The following FRMPD4 variants were observed in gnomAD, a reference collection of about 807,000 sequenced individuals.
The protein encoded by FRMPD4 is FERM and PDZ domain-containing protein 4.
A neutral mutation model predicts 94.1 loss-of-function variants in FRMPD4; 22 were observed. The ratio of observed to expected loss-of-function variants is 0.23; its 90% CI spans 0.17 to 0.33. The LOEUF is 0.33. Among genes scored for constraint, FRMPD4 ranks in the 10% least tolerant of loss-of-function variants. FRMPD4 has a pLI of 1.00. For synonymous variants in FRMPD4, 631 were observed against 548.6 expected (o/e 1.15, Z -2.10); for missense variants, 1,111 against 1,339.9 (o/e 0.83, Z 2.67).
intron 3 of FRMPD4, among the ~76,000 whole-genome samples, chrX:12,027,372 A>G (rs753564421): frequency 1.8e-5 from 2 of 112,097 alleles, no homozygotes; most frequent in Non-Finnish European, 3.8e-5. Context: ...CAAATCTTGA[A>G]TTGTGAGAAA....
At chrX:12,464,939 C>T (rs2057433149) in intron 1 of FRMPD4, among the ~76,000 whole-genome samples, 1 of 111,737 alleles carries the variant, frequency 8.9e-6, no homozygotes, top group Admixed American at 9.5e-5. Flanking sequence ...TCTATTTTTC[C>T]ATTCCAATTT....
chrX:11,966,807 G>C lies in FRMPD4; in HGVS notation c.95+88789G>C, dbSNP rs190090694. Among the ~76,000 whole-genome samples, 691 of 111,783 alleles carry C rather than the reference G, an allele frequency of 6.2e-3. 14 individuals carry two copies. The highest frequency in any genetic ancestry group is 0.06 in the Admixed American group (629 of 10,507). ...GCTTTGATCTAAAATCCTCTTGAATGCTTCTTCCCTTAAATCTCCAGTTTC... is the reference window on the plus strand; with the variant it reads ...GCTTTGATCTAAAATCCTCTTGAATCCTTCTTCCCTTAAATCTCCAGTTTC... On this transcript the variant is annotated intron_variant, in intron 3 of 18. Transcript: ENST00000640291.
Position 12,423,195 on chromosome X carries a change from C to T in FRMPD4, c.42-75485C>T, listed in dbSNP as rs900671647. On this transcript the variant is annotated intron_variant, in intron 1 of 16. Transcript: ENST00000675598. Reference sequence around the variant, plus strand: ...GTTGCAGTGAGCCGAACCAAGATCGCGCCACTACACGCCAGCCTGGGTGAG... The same window carrying T: ...GTTGCAGTGAGCCGAACCAAGATCGTGCCACTACACGCCAGCCTGGGTGAG... Among the ~76,000 whole-genome samples, 4 of 109,886 alleles carry T rather than the reference C, an allele frequency of 3.6e-5. No individual in the cohort carries two copies. The East Asian group carries it at 8.5e-4, about 23-fold the overall frequency.
intron 3 of FRMPD4, among the ~76,000 whole-genome samples, chrX:12,122,789 A>T (rs995345240): frequency 1.8e-4 from 20 of 111,808 alleles, no homozygotes; most frequent in African/African-American, 6.2e-4. Flanking sequence ...CCTACAGTTA[A>T]GTATCAAAAA....
At chrX:12,044,879 G>A (rs1361534705) in intron 3 of FRMPD4, among the ~76,000 whole-genome samples, 2 of 111,619 alleles carry the variant, frequency 1.8e-5, no homozygotes, top group Non-Finnish European at 3.8e-5. Flanking sequence ...TTTTTAATTA[G>A]CGATTATTAA....
chrX:11,950,454 C>T (rs1381806477), intron 3 of FRMPD4, among the ~76,000 whole-genome samples: 1 of 111,372 alleles, frequency 9.0e-6, no homozygotes, highest in Non-Finnish European at 1.9e-5. Context: ...AGAAAATTTC[C>T]AGTATACAAC....
chrX:12,401,417 C>T (rs1176518031), intron 1 of FRMPD4, among the ~76,000 whole-genome samples: 1 of 110,458 alleles, frequency 9.1e-6, no homozygotes, highest in Non-Finnish European at 1.9e-5. Context: ...ATTTTGGCAG[C>T]TCTTGGAAGG....
intron 3 of FRMPD4, among the ~76,000 whole-genome samples, chrX:12,046,095 A>G (rs2054783609): frequency 9.0e-6 from 1 of 111,347 alleles, no homozygotes; most frequent in Non-Finnish European, 1.9e-5. Context: ...GAATATAAAA[A>G]GGACTGTTTA....
intron 2 of FRMPD4, among the ~76,000 whole-genome samples, chrX:12,546,843 G>A (rs2058482674): frequency 9.3e-6 from 1 of 108,035 alleles, no homozygotes; most frequent in Admixed American, 1.0e-4. Context: ...CACTGACCGT[G>A]TCCTCCTCCA....
intron 1 of FRMPD4, among the ~76,000 whole-genome samples, chrX:12,338,709 G>A (rs1179585070): frequency 3.6e-5 from 4 of 112,654 alleles, no homozygotes; most frequent in Non-Finnish European, 3.7e-5. Context: ...TGGCCAAACA[G>A]TTGGTGCAGT....
intron 2 of FRMPD4, among the ~76,000 whole-genome samples, chrX:12,532,822 T>C: frequency 8.9e-6 from 1 of 112,010 alleles, no homozygotes; most frequent in East Asian, 2.8e-4. Flanking sequence ...CTGCTAAGTA[T>C]CCTGCAGTAC....
intron 1 of FRMPD4, among the ~76,000 whole-genome samples, chrX:12,265,756 C>T (rs927441066): frequency 9.1e-6 from 1 of 109,682 alleles, no homozygotes; most frequent in African/African-American, 3.3e-5. Flanking sequence ...TTAAGAACCC[C>T]CCCCCAAAAC....
chrX:12,277,975 T>C (rs769275619), intron 1 of FRMPD4, among the ~76,000 whole-genome samples: 24 of 112,370 alleles, frequency 2.1e-4, no homozygotes, highest in East Asian at 1.1e-3. Context: ...CCCTCACCTA[T>C]GTCCCATCCA....
chrX:12,241,958 G>C (rs1185169389), intron 1 of FRMPD4, among the ~76,000 whole-genome samples: 1 of 106,562 alleles, frequency 9.4e-6, no homozygotes, highest in Non-Finnish European at 1.9e-5. Flanking sequence ...AGGGGAGGAG[G>C]AGGAGGAGGA....
intron 5 of FRMPD4, among the ~76,000 whole-genome samples, chrX:12,679,885 G>C (rs1057245930): frequency 1.8e-5 from 2 of 111,156 alleles, no homozygotes; most frequent in Admixed American, 9.6e-5. Context: ...TCACCTACCT[G>C]GGATTCCTGT....
intron 4 of FRMPD4, among the ~76,000 whole-genome samples, chrX:12,619,025 C>T (rs1368187349): frequency 9.0e-6 from 1 of 111,582 alleles, no homozygotes; most frequent in Non-Finnish European, 1.9e-5. Context: ...TCTATCAAAG[C>T]AGTTGAAGTG....
intron 3 of FRMPD4, among the ~76,000 whole-genome samples, chrX:12,053,362 GA>G (rs2054830930): frequency 6.2e-5 from 1 of 16,126 alleles, no homozygotes; most frequent in Non-Finnish European, 1.2e-4. Flanking sequence ...AAAGAAAGAA[GA>G]AAGAAAGAAA....
intron 1 of FRMPD4, among the ~76,000 whole-genome samples, chrX:12,139,671 T>C (rs2055663397): frequency 9.0e-6 from 1 of 111,641 alleles, no homozygotes. Context: ...TGGGTAGTAC[T>C]GATAAAAGAG....
intron 3 of FRMPD4, among the ~76,000 whole-genome samples, chrX:11,890,665 G>A (rs574376078): frequency 1.8e-4 from 20 of 112,263 alleles, no homozygotes; most frequent in South Asian, 3.7e-4. Flanking sequence ...AAAGACAGGT[G>A]GTTAAATAAT....
Sources: allele counts gnomAD v4.1 joint callset (sites outside exome capture counted in the v4.1 genomes callset), GRCh38; gene constraint gnomAD v4.1.1; transcripts MANE v1.5; gene names NCBI Gene and HGNC (gene_info 2026-07-23, HGNC 2026-07-21).